Variants in PLXDC2 observed in about 807,000 individuals in gnomAD.
The protein encoded by PLXDC2 is plexin domain containing 2.
In PLXDC2, 40 loss-of-function variants were observed where a neutral mutation model predicts 68.9. That is an observed-to-expected ratio of 0.58 (90% CI 0.45 to 0.76). The LOEUF is 0.76. PLXDC2 is among the 30% of genes least tolerant of loss of function. The probability of loss-of-function intolerance (pLI) is 0.00; values close to 1 mark genes in which losing one functional copy is unlikely to be tolerated. For missense variants in PLXDC2, 644 were observed against 661.9 expected, an observed-to-expected ratio of 0.97 and a Z score of 0.30; for synonymous variants, 243 against 234.2, an observed-to-expected ratio of 1.04 and a Z score of -0.34.
At chr10:19,969,852 C>T (rs558805794) in intron 1 of PLXDC2, among the ~76,000 whole-genome samples, 1 of 152,244 alleles carries the variant, frequency 6.6e-6, no homozygotes, top group South Asian at 2.1e-4. Context: ...ATTTAAAATG[C>T]CCTGTTTTTG....
At chr10:20,102,007 G>C (rs184443248) in intron 4 of PLXDC2, among the ~76,000 whole-genome samples, 46 of 152,028 alleles carry the variant, frequency 3.0e-4, no homozygotes, top group African/African-American at 1.1e-3. Context: ...TCACCATGTT[G>C]GCCAAGCTGG....
intron 1 of PLXDC2, among the ~76,000 whole-genome samples, chr10:19,826,963 C>G (rs1252604439): frequency 1.3e-5 from 2 of 152,154 alleles, no homozygotes; most frequent in East Asian, 3.9e-4. Flanking sequence ...ACTGCATCTA[C>G]TTGTGTTGGT....
chr10:19,859,771 G>C (rs923985791), intron 1 of PLXDC2, among the ~76,000 whole-genome samples: 10 of 151,948 alleles, frequency 6.6e-5, no homozygotes, highest in African/African-American at 2.4e-4. Context: ...TCTCTGCATC[G>C]CCCAAGCTAG....
chr10:20,092,606 T>C (rs1589625435), intron 4 of PLXDC2, among the ~76,000 whole-genome samples: 1 of 152,074 alleles, frequency 6.6e-6, no homozygotes, highest in East Asian at 1.9e-4. Flanking sequence ...ATTTATGATC[T>C]GTAGAAGGTT....
At chr10:20,231,458 G>T (rs910696793) in intron 12 of PLXDC2, among the ~76,000 whole-genome samples, 1 of 150,994 alleles carries the variant, frequency 6.6e-6, no homozygotes, top group African/African-American at 2.4e-5. Context: ...GGATTAGAAA[G>T]GAAAAAAGGT....
chr10:20,214,283 A>AT (rs1033908784), intron 10 of PLXDC2, among the ~76,000 whole-genome samples: 72 of 151,084 alleles, frequency 4.8e-4, no homozygotes, highest in Admixed American at 1.1e-3. Flanking sequence ...TCAGACAGCT[A>AT]TTTTTTTTTC....
chr10:19,946,792 C>T (rs932661061), intron 1 of PLXDC2, among the ~76,000 whole-genome samples: 1 of 152,076 alleles, frequency 6.6e-6, no homozygotes, highest in Non-Finnish European at 1.5e-5. Context: ...GCCTAGATCC[C>T]TCCATGTGCA....
intron 4 of PLXDC2, among the ~76,000 whole-genome samples, chr10:20,086,063 C>T (rs1389342303): frequency 2.0e-5 from 3 of 152,156 alleles, no homozygotes; most frequent in Non-Finnish European, 4.4e-5. Context: ...TTACAAGGCT[C>T]AATGTCACCT....
chr10:20,002,052 T>C lies in PLXDC2; in HGVS notation c.324+66T>C, dbSNP rs1589579515. ...TTATTTCATGTAGGTGCCCAACTTTTATATAGACATAAGTTGTCTCTTCAT... is the reference window on the plus strand; with the variant it reads ...TTATTTCATGTAGGTGCCCAACTTTCATATAGACATAAGTTGTCTCTTCAT... On this transcript the variant is annotated intron_variant, in intron 2 of 13. Coordinates refer to ENST00000377252, the MANE Select transcript of PLXDC2 (RefSeq NM_032812.9). The C allele has an allele frequency of 5.5e-6, 8 of 1,465,688 alleles. No individual in the cohort carries two copies. The East Asian group carries it at 2.0e-4, about 36-fold the overall frequency. 90.8% of individuals were successfully genotyped at this position (1,465,688 alleles called of 1,614,324 possible).
At chr10:20,119,813 A>G (rs1833672575) in intron 4 of PLXDC2, among the ~76,000 whole-genome samples, 1 of 151,974 alleles carries the variant, frequency 6.6e-6, no homozygotes, top group African/African-American at 2.4e-5. Context: ...GTGGATTGTT[A>G]GAAGAAACAT....
chr10:20,139,617 A>C (rs1329838916), intron 4 of PLXDC2, among the ~76,000 whole-genome samples: 1 of 152,230 alleles, frequency 6.6e-6, no homozygotes, highest in Admixed American at 6.5e-5. Context: ...ATGCCCATCA[A>C]TGATAGACTG....
Position 20,068,152 on chromosome 10 carries a change from TG to T in PLXDC2, c.472-16del. 1 of 1,601,570 alleles carries T rather than the reference TG, an allele frequency of 6.2e-7. No homozygotes were observed. Among genetic ancestry groups the T allele is most frequent in the Non-Finnish European group, 8.5e-7 (1 of 1,170,228 alleles). ...GCTACACATTATTGATTTTTTTCTC[TG>T]GTGTTGTTCTTTGCAGAGAGTGAAT... On this transcript the variant is annotated splice_polypyrimidine_tract_variant and intron_variant, in intron 3 of 13. Coordinates refer to ENST00000377252, the MANE Select transcript of PLXDC2 (RefSeq NM_032812.9).
intron 1 of PLXDC2, among the ~76,000 whole-genome samples, chr10:19,861,249 G>A (rs1837315518): frequency 6.6e-6 from 1 of 151,878 alleles, no homozygotes; most frequent in Non-Finnish European, 1.5e-5. Flanking sequence ...TGGCCAGGCT[G>A]GTCTAGGACT....
At position 19,986,729 on chromosome 10, in the gene PLXDC2, C is replaced by T. The variant is rs1425241400; in HGVS notation, c.113-15046C>T. Among the ~76,000 whole-genome samples, 5 of 152,172 alleles carry T rather than the reference C, an allele frequency of 3.3e-5. No individual in the cohort carries two copies. In the East Asian group the frequency reaches 9.6e-4, roughly 29 times the overall value. ...CGGTGATGTCTTTTCCTCTCTTTAT[C>T]CACATGCCATTCCTTATAAGCAGTA... is the stretch of plus-strand genomic sequence containing the variant. On this transcript the variant is annotated intron_variant, in intron 1 of 13. Transcript: ENST00000377252.
chr10:19,821,875 C>G (rs931160705), intron 1 of PLXDC2, among the ~76,000 whole-genome samples: 4 of 152,142 alleles, frequency 2.6e-5, no homozygotes, highest in African/African-American at 9.7e-5. Flanking sequence ...AATGTTCACT[C>G]ATGTTCTTAA....
At chr10:20,039,055 A>G (rs1372248262) in intron 2 of PLXDC2, among the ~76,000 whole-genome samples, 1 of 152,192 alleles carries the variant, frequency 6.6e-6, no homozygotes, top group Non-Finnish European at 1.5e-5. Context: ...CACTAAAGTG[A>G]CAGCTTGTTA....
chr10:19,903,868 T>G (rs777838226), intron 1 of PLXDC2, among the ~76,000 whole-genome samples: 5 of 152,168 alleles, frequency 3.3e-5, no homozygotes, highest in Non-Finnish European at 7.4e-5. Flanking sequence ...CTCAGAGGTT[T>G]TGATAGGATG....
intron 1 of PLXDC2, among the ~76,000 whole-genome samples, chr10:19,822,712 G>T (rs368340596): frequency 1.3e-5 from 2 of 152,026 alleles, no homozygotes; most frequent in East Asian, 1.9e-4. Context: ...ATTTTGATTT[G>T]TATTTCCCTA....
chr10:19,946,271 T>C (rs1336421664), intron 1 of PLXDC2, among the ~76,000 whole-genome samples: 2 of 152,140 alleles, frequency 1.3e-5, no homozygotes, highest in Non-Finnish European at 2.9e-5. Context: ...AAGCCTCTCA[T>C]TGTTTAAATT....
Sources: gnomAD v4.1 joint callset for allele counts (sites outside exome capture counted in the v4.1 genomes callset) on GRCh38, gnomAD v4.1.1 for gene constraint, MANE v1.5 for transcripts, NCBI Gene and HGNC (gene_info 2026-07-23, HGNC 2026-07-21) for gene names.